KCNU1: variants seen among roughly 807,000 people sequenced by gnomAD.
KCNU1 encodes potassium calcium-activated channel subfamily U member 1, also known as potassium channel subfamily U member 1.
KCNU1 carries 93 observed loss-of-function variants against 126.8 expected under a neutral mutation model. The ratio of observed to expected loss-of-function variants is 0.73; its 90% confidence interval spans 0.62 to 0.87. The LOEUF is 0.87. KCNU1 is among the 40% of genes least tolerant of loss of function. The pLI is 0.00. For synonymous variants in KCNU1, 523 were observed against 494.2 expected (o/e 1.06, Z -0.77); for missense variants, 1,330 against 1,367.1 (o/e 0.97, Z 0.43).
intron 19 of KCNU1, among the ~76,000 whole-genome samples, chr8:36,867,183 T>G (rs903280884): frequency 6.6e-6 from 1 of 152,072 alleles, no homozygotes; most frequent in African/African-American, 2.4e-5. Context: ...AAGTGCTACA[T>G]TGATGGTTCT....
chr8:36,793,989 G>T (rs1802998770), intron 2 of KCNU1, among the ~76,000 whole-genome samples: 1 of 150,054 alleles, frequency 6.7e-6, no homozygotes, highest in Admixed American at 6.7e-5. Context: ...GGGCGGCAGA[G>T]GTTGCAATGA....
rs141091007 is a variant in KCNU1 at position 36,840,671 on chromosome 8, A to C, written c.1631+96A>C. 477 of 787,260 alleles carry C rather than the reference A, an allele frequency of 6.1e-4. 1 individual carries two copies. In the East Asian group the frequency reaches 0.01, roughly 17 times the overall value. The allele number at this position is 787,260 out of a possible 1,614,324, so 48.8% of individuals were successfully genotyped here. On this transcript the variant is annotated intron_variant, in intron 15 of 26. Coordinates refer to ENST00000399881, the MANE Select transcript of KCNU1 (RefSeq NM_001031836.3). The stretch of plus-strand genomic sequence containing the variant: ...CACTATAGGCCAGGCTTCATTACAA[A>C]CTGAAGATCTAAGAAGGGACAGCCC...
chr8:36,909,730 C>T (rs960247778), intron 21 of KCNU1, among the ~76,000 whole-genome samples, 195 bp downstream of exon 21: 7 of 152,102 alleles, frequency 4.6e-5, no homozygotes, highest in African/African-American at 1.7e-4. Context: ...GAACTTTAAG[C>T]ACCGGAAGAG....
intron 19 of KCNU1, among the ~76,000 whole-genome samples, chr8:36,873,401 C>T (rs1033778714): frequency 1.3e-5 from 2 of 152,134 alleles, no homozygotes; most frequent in Non-Finnish European, 2.9e-5. Context: ...TCCTCCTCAA[C>T]TTAGCATCAA....
At chr8:36,917,252 G>A (rs1808148120) in intron 22 of KCNU1, among the ~76,000 whole-genome samples, 1 of 152,036 alleles carries the variant, frequency 6.6e-6, no homozygotes, top group Admixed American at 6.6e-5. Context: ...AAAACTTTAA[G>A]AAAGTAAACA....
At chr8:36,867,292 G>T (rs1277460021) in intron 19 of KCNU1, among the ~76,000 whole-genome samples, 1 of 152,068 alleles carries the variant, frequency 6.6e-6, no homozygotes, top group Non-Finnish European at 1.5e-5. Context: ...GAGACAGTGG[G>T]AATCTCAACT....
At position 36,922,476 on chromosome 8, in the gene KCNU1, C is replaced by T. The variant is rs1376884997; in HGVS notation, c.2597-14C>T. The T allele has an allele frequency of 4.4e-6, 7 of 1,605,084 alleles. No individual in the cohort carries two copies. The highest frequency in any genetic ancestry group is 1.7e-4 in the Middle Eastern group (1 of 5,984). Reference sequence around the variant, plus strand: ...TGATCTGCTTGTCTTTCCTTTTTGCCTCTTGCCTTGCAGAAAATCCTTCCA... The same window carrying T: ...TGATCTGCTTGTCTTTCCTTTTTGCTTCTTGCCTTGCAGAAAATCCTTCCA... On this transcript the variant is annotated splice_polypyrimidine_tract_variant and intron_variant, in intron 23 of 26. Transcript: ENST00000399881.
intron 19 of KCNU1, among the ~76,000 whole-genome samples, chr8:36,895,308 G>A (rs887974631): frequency 2.0e-5 from 3 of 151,854 alleles, no homozygotes; most frequent in Admixed American, 6.6e-5. Context: ...CAAACACCTG[G>A]CCTTAAGTAA....
chr8:36,894,733 GA>G (rs1276782905), intron 19 of KCNU1, among the ~76,000 whole-genome samples: 1 of 152,074 alleles, frequency 6.6e-6, no homozygotes, highest in African/African-American at 2.4e-5. Flanking sequence ...AAGAAGTTGA[GA>G]AAATATTAAT....
chr8:36,843,058 A>G (rs1320657152), intron 16 of KCNU1, among the ~76,000 whole-genome samples: 1 of 152,192 alleles, frequency 6.6e-6, no homozygotes, highest in African/African-American at 2.4e-5. Context: ...TTCTTTCTCA[A>G]GTCTCCATGA....
At chr8:36,872,295 AG>A (rs1362990384) in intron 19 of KCNU1, among the ~76,000 whole-genome samples, 1 of 152,312 alleles carries the variant, frequency 6.6e-6, no homozygotes, top group East Asian at 1.9e-4. Context: ...GTCAACGTAT[AG>A]GGGAGGTATA....
intron 19 of KCNU1, among the ~76,000 whole-genome samples, chr8:36,888,094 T>A (rs1806790258): frequency 6.6e-6 from 1 of 152,080 alleles, no homozygotes; most frequent in South Asian, 2.1e-4. Context: ...GAATTTTATT[T>A]TTATTTTATA....
intron 1 of KCNU1, among the ~76,000 whole-genome samples, chr8:36,786,464 T>C (rs1802714678): frequency 6.6e-6 from 1 of 152,180 alleles, no homozygotes; most frequent in African/African-American, 2.4e-5. Flanking sequence ...TTTTTATCAT[T>C]CAGAAAATAT....
intron 16 of KCNU1, 30 bp from the exon 17 acceptor site, chr8:36,845,550 C>A (rs368253608): frequency 7.6e-5 from 101 of 1,327,430 alleles, no homozygotes; most frequent in Non-Finnish European, 1.2e-5. Context: ...CAGAGGGAAA[C>A]ATTACCATGT....
At chr8:36,882,364 CAG>C (rs1806518743) in intron 19 of KCNU1, among the ~76,000 whole-genome samples, 2 of 152,292 alleles carry the variant, frequency 1.3e-5, no homozygotes, top group South Asian at 2.1e-4. Flanking sequence ...AACCCAGAGA[CAG>C]AGTGTGTAAA....
chr8:36,836,089 G>T (rs796727484), intron 12 of KCNU1, among the ~76,000 whole-genome samples: 72 of 152,266 alleles, frequency 4.7e-4, no homozygotes, highest in African/African-American at 1.6e-3. Context: ...TCATTCCATA[G>T]ATTTGGTTGG....
intron 10 of KCNU1, among the ~76,000 whole-genome samples, chr8:36,831,347 A>G (rs1804539597): frequency 6.6e-6 from 1 of 151,938 alleles, no homozygotes; most frequent in South Asian, 2.1e-4. Context: ...GACTTCCACA[A>G]TGGTTGAACT....
chr8:36,884,173 A>G (rs949345464), intron 19 of KCNU1, among the ~76,000 whole-genome samples: 11 of 151,438 alleles, frequency 7.3e-5, no homozygotes, highest in Admixed American at 2.0e-4. Context: ...TAGAATAAGG[A>G]TAAGTTTCAT....
At chr8:36,820,895 C>G (rs1159081484) in intron 10 of KCNU1, among the ~76,000 whole-genome samples, 1 of 152,142 alleles carries the variant, frequency 6.6e-6, no homozygotes, top group Non-Finnish European at 1.5e-5. Context: ...TACAGACATT[C>G]TTCTCGGAAG....
Sources: gnomAD v4.1 joint callset for allele counts (sites outside exome capture counted in the v4.1 genomes callset) on GRCh38, gnomAD v4.1.1 for gene constraint, MANE v1.5 for transcripts, NCBI Gene and HGNC (gene_info 2026-07-23, HGNC 2026-07-21) for gene names.